Variants in NCKAP5 observed in about 807,000 individuals in gnomAD.
NCKAP5 encodes the protein NCK associated protein 5.
Under a neutral mutation model 167.0 loss-of-function variants are expected in NCKAP5, and 92 were observed. That is an observed-to-expected ratio of 0.55 (90% CI 0.47 to 0.66). NCKAP5 has a LOEUF of 0.66. Ranked by LOEUF, NCKAP5 falls within the 30% of genes least tolerant of loss-of-function variation. The pLI is 0.00. For synonymous variants in NCKAP5, 891 were observed against 877.4 expected (o/e 1.02, Z -0.27); for missense variants, 2,378 against 2,315.0 (o/e 1.03, Z -0.56).
At chr2:132,831,190 C>A (rs1687499857) in intron 11 of NCKAP5, among the ~76,000 whole-genome samples, 1 of 152,176 alleles carries the variant, frequency 6.6e-6, no homozygotes, top group Non-Finnish European at 1.5e-5. Flanking sequence ...CTTGGCTTAA[C>A]CTTTTCCCCA....
chr2:133,365,875 T>TG (rs1312734347), intron 3 of NCKAP5, among the ~76,000 whole-genome samples: 1 of 152,190 alleles, frequency 6.6e-6, no homozygotes, highest in Non-Finnish European at 1.5e-5. Context: ...ATTCAGTCCT[T>TG]GGAAAAAAAG....
At chr2:133,566,955 CA>C (rs1332284042) in intron 1 of NCKAP5, among the ~76,000 whole-genome samples, 1 of 152,170 alleles carries the variant, frequency 6.6e-6, no homozygotes, top group East Asian at 1.9e-4. Flanking sequence ...GGAAAACAGT[CA>C]AATATTTTGA....
intron 4 of NCKAP5, chr2:133,266,114 G>A (rs1204643420): frequency 2.6e-5 from 4 of 152,450 alleles, no homozygotes; most frequent in African/African-American, 4.8e-5. Context: ...TGGAGAGGAG[G>A]GCGTGTGTGC....
intron 3 of NCKAP5, among the ~76,000 whole-genome samples, chr2:133,473,472 G>A (rs74655023): frequency 0.031 from 4,757 of 152,308 alleles, 102 homozygotes; most frequent in Admixed American, 0.072. Flanking sequence ...TGATTCAGTA[G>A]GTTTCATGGG....
chr2:132,919,456 G>A (rs1367313421), intron 8 of NCKAP5, among the ~76,000 whole-genome samples: 1 of 152,136 alleles, frequency 6.6e-6, no homozygotes, highest in African/African-American at 2.4e-5. Flanking sequence ...TGGAGAGAAG[G>A]GTGGGTGGGA....
chr2:133,522,184 G>A (rs1161445768), intron 2 of NCKAP5, among the ~76,000 whole-genome samples: 1 of 152,166 alleles, frequency 6.6e-6, no homozygotes, highest in Admixed American at 6.5e-5. Flanking sequence ...ATCAACAGCA[G>A]GTGACTGCAG....
intron 8 of NCKAP5, among the ~76,000 whole-genome samples, chr2:132,910,257 A>C (rs1694342135): frequency 6.6e-6 from 1 of 152,186 alleles, no homozygotes; most frequent in Admixed American, 6.5e-5. Context: ...GTTACAAAGA[A>C]TCCAATTATA....
chr2:132,701,495 G>T (rs1687881993), intron 19 of NCKAP5, among the ~76,000 whole-genome samples: 1 of 151,888 alleles, frequency 6.6e-6, no homozygotes, highest in East Asian at 1.9e-4. Flanking sequence ...CAAATACCAG[G>T]TCTCTTTCTC....
chr2:133,415,260 G>T (rs1192157153), intron 3 of NCKAP5, among the ~76,000 whole-genome samples: 1 of 152,214 alleles, frequency 6.6e-6, no homozygotes, highest in Non-Finnish European at 1.5e-5. Flanking sequence ...TTTGGCTGTT[G>T]CCAGTGGCCA....
At chr2:133,375,419 C>G (rs1686075729) in intron 3 of NCKAP5, among the ~76,000 whole-genome samples, 1 of 152,112 alleles carries the variant, frequency 6.6e-6, no homozygotes, top group South Asian at 2.1e-4. Context: ...AACTGGATAA[C>G]AAGCCAATAT....
chr2:133,129,194 A>G (rs1378971805), intron 6 of NCKAP5, among the ~76,000 whole-genome samples: 1 of 151,390 alleles, frequency 6.6e-6, no homozygotes, highest in East Asian at 2.0e-4. Flanking sequence ...TGCTGCACCC[A>G]TTAACTCGTC....
chr2:133,541,428 G>A (rs1686218197), intron 2 of NCKAP5, among the ~76,000 whole-genome samples: 1 of 152,052 alleles, frequency 6.6e-6, no homozygotes, highest in Non-Finnish European at 1.5e-5. Context: ...TTAAATCAAA[G>A]ATGGCTACAA....
At chr2:133,232,684 A>G (rs2087208107) in intron 4 of NCKAP5, among the ~76,000 whole-genome samples, 1 of 152,244 alleles carries the variant, frequency 6.6e-6, no homozygotes, top group South Asian at 2.1e-4. Context: ...CAAAAGATGG[A>G]TAAGAAAGTT....
the NCKAP5 span, among the ~76,000 whole-genome samples, chr2:133,653,482 C>T: frequency 1.3e-5 from 2 of 152,170 alleles, no homozygotes; most frequent in Admixed American, 1.3e-4. Flanking sequence ...ACCCATCACC[C>T]CTTTTATAAA....
intron 3 of NCKAP5, among the ~76,000 whole-genome samples, chr2:133,393,557 G>A (rs1368702344): frequency 6.6e-6 from 1 of 152,194 alleles, no homozygotes; most frequent in African/African-American, 2.4e-5. Context: ...AACTATTGCT[G>A]TTTATAACCA....
At position 132,941,338 on chromosome 2, in the gene NCKAP5, A is replaced by G. The variant is rs138992024; in HGVS notation, c.579+22382T>C. 1.7e-3 allele frequency among the ~76,000 whole-genome samples: 261 copies of G among 152,302 alleles called. 1 individual carries two copies. Among genetic ancestry groups the G allele is most frequent in the Middle Eastern group, 6.8e-3 (2 of 294 alleles). ...TTGGTGGACCACTCTTCCCACATTC[A>G]TGGTCCATTCATACAGTTTTAGGCA... On this transcript the variant is annotated intron_variant, in intron 8 of 19. Transcript: ENST00000409261.
chr2:132,895,959 A>G (rs560666242), intron 8 of NCKAP5, among the ~76,000 whole-genome samples: 1 of 152,156 alleles, frequency 6.6e-6, no homozygotes, highest in Admixed American at 6.5e-5. Context: ...ACATGGCAAA[A>G]CTCCGTCTCT....
intron 3 of NCKAP5, among the ~76,000 whole-genome samples, chr2:133,501,744 C>A (rs1682537165): frequency 6.6e-6 from 1 of 152,194 alleles, no homozygotes; most frequent in South Asian, 2.1e-4. Context: ...TTAACAAGAG[C>A]TAAGCTATTA....
At chr2:132,957,907 T>C (rs1327575641) in intron 8 of NCKAP5, among the ~76,000 whole-genome samples, 1 of 152,170 alleles carries the variant, frequency 6.6e-6, no homozygotes, top group Non-Finnish European at 1.5e-5. Context: ...CATTAGATCA[T>C]ACTCTTTTTT....
Sources: gnomAD v4.1 joint callset for allele counts (sites outside exome capture counted in the v4.1 genomes callset) on GRCh38, gnomAD v4.1.1 for gene constraint, MANE v1.5 for transcripts, NCBI Gene and HGNC (gene_info 2026-07-23, HGNC 2026-07-21) for gene names.